DPP10: variants seen among roughly 807,000 people sequenced by gnomAD.
DPP10 encodes inactive dipeptidyl peptidase 10.
DPP10 carries 33 observed loss-of-function variants against 120.9 expected under a neutral mutation model. That is an observed-to-expected ratio of 0.27 (90% CI 0.21 to 0.37). DPP10 has a LOEUF of 0.37. Ranked by LOEUF, DPP10 falls within the 10% of genes least tolerant of loss-of-function variation. The probability of loss-of-function intolerance (pLI) is 1.00; values close to 1 mark genes in which losing one functional copy is unlikely to be tolerated. For synonymous variants in DPP10, 337 were observed against 326.1 expected, an observed-to-expected ratio of 1.03 and a Z score of -0.36; for missense variants, 816 against 942.8, an observed-to-expected ratio of 0.87 and a Z score of 1.76.
intron 1 of DPP10, among the ~76,000 whole-genome samples, chr2:115,255,118 C>T (rs1366886400): frequency 1.3e-5 from 2 of 152,206 alleles, no homozygotes; most frequent in Non-Finnish European, 2.9e-5. Flanking sequence ...GTGCAGCATA[C>T]CTCTGCCTGG....
At chr2:115,088,815 T>C (rs1028069594) in intron 1 of DPP10, among the ~76,000 whole-genome samples, 8 of 132,986 alleles carry the variant, frequency 6.0e-5, no homozygotes, top group East Asian at 2.2e-4. Context: ...TTTTAAAAAA[T>C]ATAATGAATT....
chr2:115,031,835 T>A (rs905509059), intron 1 of DPP10, among the ~76,000 whole-genome samples: 4 of 152,176 alleles, frequency 2.6e-5, no homozygotes, highest in African/African-American at 9.7e-5. Flanking sequence ...TAATGTGTTC[T>A]GCTTTTGTAT....
At chr2:114,461,861 A>G (rs1170164861) in intron 1 of DPP10, 1 of 985,476 alleles carries the variant, frequency 1.0e-6, no homozygotes, top group South Asian at 4.7e-5. Flanking sequence ...TATAAGAAGA[A>G]TGGAAAATGA....
At chr2:115,541,282 A>G (rs1386046277) in intron 5 of DPP10, among the ~76,000 whole-genome samples, 2 of 151,862 alleles carry the variant, frequency 1.3e-5, no homozygotes, top group Non-Finnish European at 1.5e-5. Context: ...AGTTAGGTTA[A>G]TTTAAAATTT....
intron 11 of DPP10, among the ~76,000 whole-genome samples, chr2:115,758,728 C>T (rs182118308): frequency 3.1e-4 from 47 of 152,192 alleles, no homozygotes; most frequent in African/African-American, 1.0e-3. Flanking sequence ...CCTGGAGATG[C>T]TAGTGGAGGC....
chr2:115,038,522 C>T (rs1279877595), intron 1 of DPP10, among the ~76,000 whole-genome samples: 3 of 151,950 alleles, frequency 2.0e-5, no homozygotes, highest in Non-Finnish European at 4.4e-5. Context: ...CGTGATCCGC[C>T]CACCTCTACC....
At chr2:114,573,323 T>C (rs1214788190) in intron 1 of DPP10, among the ~76,000 whole-genome samples, 3 of 151,828 alleles carry the variant, frequency 2.0e-5, no homozygotes, top group Non-Finnish European at 4.4e-5. Flanking sequence ...TGAGAAAAAA[T>C]AAATAAATGA....
intron 1 of DPP10, among the ~76,000 whole-genome samples, chr2:115,283,073 G>A (rs1045040148): frequency 6.6e-5 from 10 of 151,770 alleles, no homozygotes; most frequent in Non-Finnish European, 1.5e-4. Flanking sequence ...ATCTGGCCAT[G>A]TTTTTTTCTT....
At chr2:114,987,388 G>T (rs1239830014) in intron 1 of DPP10, among the ~76,000 whole-genome samples, 2 of 152,060 alleles carry the variant, frequency 1.3e-5, no homozygotes, top group African/African-American at 4.8e-5. Flanking sequence ...CCTTAGGCTT[G>T]AGATAAATTT....
chr2:114,817,038 C>T (rs960318147), intron 1 of DPP10, among the ~76,000 whole-genome samples: 1 of 152,146 alleles, frequency 6.6e-6, no homozygotes, highest in African/African-American at 2.4e-5. Context: ...GTATAAATAA[C>T]CGGCCCATTA....
chr2:115,458,835 TTATATACG>T (rs745765037), intron 3 of DPP10, among the ~76,000 whole-genome samples: 78 of 152,304 alleles, frequency 5.1e-4, no homozygotes, highest in Non-Finnish European at 1.0e-3. Context: ...TGCACATTAC[TTATATACG>T]TATTTAATGT....
intron 1 of DPP10, among the ~76,000 whole-genome samples, chr2:114,558,808 G>A (rs1265035875): frequency 1.3e-5 from 2 of 152,118 alleles, no homozygotes; most frequent in African/African-American, 4.8e-5. Context: ...AAGCATCTGG[G>A]GGCTCTTTTC....
chr2:115,385,249 T>C (rs1476537060), intron 3 of DPP10, among the ~76,000 whole-genome samples: 1 of 152,130 alleles, frequency 6.6e-6, no homozygotes, highest in Non-Finnish European at 1.5e-5. Context: ...AGGAGTGCTA[T>C]ACAGAGAGGC....
chr2:115,288,178 T>C (rs1449871208), intron 1 of DPP10, among the ~76,000 whole-genome samples: 1 of 152,074 alleles, frequency 6.6e-6, no homozygotes, highest in Non-Finnish European at 1.5e-5. Context: ...TGCACCAACA[T>C]TTACTGTTTT....
chr2:114,507,822 T>C (rs539577817), intron 1 of DPP10, among the ~76,000 whole-genome samples: 1 of 152,316 alleles, frequency 6.6e-6, no homozygotes, highest in East Asian at 1.9e-4. Context: ...GCTATAAGAA[T>C]TAAATTCAAT....
chr2:114,623,864 G>C (rs1694289324), intron 1 of DPP10, among the ~76,000 whole-genome samples: 1 of 151,982 alleles, frequency 6.6e-6, no homozygotes, highest in Non-Finnish European at 1.5e-5. Context: ...CAATTCAACA[G>C]TTACTGAGCA....
intron 1 of DPP10, among the ~76,000 whole-genome samples, chr2:114,990,341 G>A (rs1160719994): frequency 6.6e-6 from 1 of 152,060 alleles, no homozygotes; most frequent in South Asian, 2.1e-4. Flanking sequence ...AATCCAAATT[G>A]AAATGTGTGA....
At chr2:115,617,779 A>G (rs2084639030) in intron 5 of DPP10, among the ~76,000 whole-genome samples, 1 of 152,152 alleles carries the variant, frequency 6.6e-6, no homozygotes, top group Non-Finnish European at 1.5e-5. Flanking sequence ...TACCCCCATC[A>G]TTAAGTAATG....
At chr2:115,274,678 T>C (rs1272872572) in intron 1 of DPP10, among the ~76,000 whole-genome samples, 2 of 152,194 alleles carry the variant, frequency 1.3e-5, no homozygotes, top group East Asian at 3.8e-4. Context: ...TTACTAACTT[T>C]TTAAATGAGA....
Sources: allele counts gnomAD v4.1 joint callset (sites outside exome capture counted in the v4.1 genomes callset), GRCh38; gene constraint gnomAD v4.1.1; transcripts MANE v1.5; gene names NCBI Gene and HGNC (gene_info 2026-07-23, HGNC 2026-07-21).